Variants in ME3 observed in about 807,000 individuals in gnomAD.
ME3 encodes malic enzyme 3.
Under a neutral mutation model 68.9 loss-of-function variants are expected in ME3, and 48 were observed. The ratio of observed to expected loss-of-function variants is 0.70; its 90% CI spans 0.55 to 0.89. The LOEUF (loss-of-function observed/expected upper bound fraction) is 0.89. ME3 is among the 40% of genes least tolerant of loss of function. The pLI, the probability that ME3 is intolerant of heterozygous loss-of-function variation, is 0.00. For synonymous variants in ME3, 320 were observed against 318.8 expected (o/e 1.00, Z -0.04); for missense variants, 675 against 797.4 (o/e 0.85, Z 1.85).
At chr11:86,539,516 T>G (rs1955903995) in intron 4 of ME3, among the ~76,000 whole-genome samples, 1 of 150,814 alleles carries the variant, frequency 6.6e-6, no homozygotes, top group Non-Finnish European at 1.5e-5. Flanking sequence ...GAATCATACA[T>G]GTACTTATGG....
chr11:86,621,871 C>T (rs533194252), intron 2 of ME3, among the ~76,000 whole-genome samples: 2 of 151,624 alleles, frequency 1.3e-5, no homozygotes, highest in Admixed American at 6.6e-5. Context: ...GAAAATGAAC[C>T]CTGTAAAGCA....
At chr11:86,618,704 C>A (rs1400599409) in intron 2 of ME3, among the ~76,000 whole-genome samples, 2 of 151,152 alleles carry the variant, frequency 1.3e-5, no homozygotes, top group Non-Finnish European at 2.9e-5. Context: ...TAAATGAGTT[C>A]TCATGAGATC....
intron 7 of ME3, among the ~76,000 whole-genome samples, chr11:86,477,729 G>A (rs555564808): frequency 7.3e-6 from 1 of 136,236 alleles, no homozygotes; most frequent in South Asian, 2.2e-4. Flanking sequence ...TCAGTCCTGA[G>A]GCTGGACCTT....
chr11:86,487,774 C>T (rs1191838580), intron 6 of ME3, among the ~76,000 whole-genome samples: 1 of 152,210 alleles, frequency 6.6e-6, no homozygotes, highest in Non-Finnish European at 1.5e-5. Flanking sequence ...GACATTTTGG[C>T]TGGGATAATT....
At chr11:86,600,800 A>T (rs1411341743) in intron 2 of ME3, among the ~76,000 whole-genome samples, 12 of 151,830 alleles carry the variant, frequency 7.9e-5, no homozygotes, top group Admixed American at 5.3e-4. Flanking sequence ...TAAGAAACTC[A>T]CTCAAAACCA....
intron 2 of ME3, among the ~76,000 whole-genome samples, chr11:86,623,172 G>T (rs1021182562): frequency 6.6e-6 from 1 of 152,092 alleles, no homozygotes; most frequent in Non-Finnish European, 1.5e-5. Flanking sequence ...GTCTCATCTG[G>T]TATCATCCAA....
chr11:86,571,818 G>C (rs539070979), intron 2 of ME3, among the ~76,000 whole-genome samples: 2 of 152,194 alleles, frequency 1.3e-5, no homozygotes, highest in Non-Finnish European at 2.9e-5. Context: ...AGAGATTAAC[G>C]TAATGCAAGG....
chr11:86,624,147 A>C (rs1257524820), intron 2 of ME3, among the ~76,000 whole-genome samples: 1 of 152,154 alleles, frequency 6.6e-6, no homozygotes, highest in East Asian at 1.9e-4. Flanking sequence ...CAATGTTGGG[A>C]AGTTGAAGCT....
chr11:86,527,931 G>A (rs1330858051), intron 4 of ME3, among the ~76,000 whole-genome samples: 1 of 152,196 alleles, frequency 6.6e-6, no homozygotes, highest in East Asian at 1.9e-4. Flanking sequence ...TCGAGGCTAG[G>A]AAGAAACTGC....
chr11:86,514,987 C>T (rs1055614954), intron 4 of ME3, among the ~76,000 whole-genome samples: 3 of 152,110 alleles, frequency 2.0e-5, no homozygotes, highest in Non-Finnish European at 4.4e-5. Flanking sequence ...AGTGTTTTAG[C>T]TAGAATCATC....
intron 8 of ME3, chr11:86,464,258 G>A (rs605251): frequency 0.86 from 286,575 of 335,138 alleles, 122,719 homozygotes; most frequent in Non-Finnish European, 0.86. Context: ...ATTTGTTAAA[G>A]CATCATCAAG....
At chr11:86,573,263 T>G (rs2139562311) in intron 2 of ME3, among the ~76,000 whole-genome samples, 1 of 152,332 alleles carries the variant, frequency 6.6e-6, no homozygotes, top group South Asian at 2.1e-4. Context: ...TCCTTTGCTG[T>G]TGAGAAGCTC....
intron 2 of ME3, among the ~76,000 whole-genome samples, chr11:86,659,403 C>G (rs1270254002): frequency 6.6e-6 from 1 of 152,146 alleles, no homozygotes; most frequent in African/African-American, 2.4e-5. Context: ...GGAGGGAGTT[C>G]CCCTTCACCA....
intron 4 of ME3, among the ~76,000 whole-genome samples, chr11:86,536,270 A>C (rs921992466): frequency 5.3e-5 from 8 of 149,908 alleles, no homozygotes; most frequent in Admixed American, 1.3e-4. Flanking sequence ...GCAACAAAAG[A>C]CAAAATTGAC....
chr11:86,637,686 G>A (rs1023941025), intron 2 of ME3, among the ~76,000 whole-genome samples: 1 of 152,132 alleles, frequency 6.6e-6, no homozygotes, highest in Non-Finnish European at 1.5e-5. Flanking sequence ...TTGTGCTGTA[G>A]GTGGGAGGAA....
intron 2 of ME3, among the ~76,000 whole-genome samples, chr11:86,589,021 C>T (rs534593814): frequency 1.1e-4 from 16 of 152,300 alleles, no homozygotes; most frequent in East Asian, 1.9e-4. Context: ...CGGCTGAGCT[C>T]GAAGGCCCTT....
At chr11:86,530,896 C>G (rs1197339204) in intron 4 of ME3, among the ~76,000 whole-genome samples, 1 of 85,858 alleles carries the variant, frequency 1.2e-5, no homozygotes, top group Non-Finnish European at 2.4e-5. Flanking sequence ...CATAAAAACC[C>G]TAGAAGAAAA....
chr11:86,492,399 T>C (rs137969995), intron 6 of ME3, among the ~76,000 whole-genome samples: 34 of 152,304 alleles, frequency 2.2e-4, no homozygotes, highest in African/African-American at 7.5e-4. Context: ...TTTTGAAGGT[T>C]GGAAAGAATA....
intron 2 of ME3, among the ~76,000 whole-genome samples, chr11:86,577,345 C>T (rs1958172782): frequency 6.6e-6 from 1 of 152,194 alleles, no homozygotes; most frequent in Non-Finnish European, 1.5e-5. Context: ...GAGAAGACTG[C>T]CAACCCCAAC....
Sources: gnomAD v4.1 joint callset for allele counts (sites outside exome capture counted in the v4.1 genomes callset) on GRCh38, gnomAD v4.1.1 for gene constraint, MANE v1.5 for transcripts, NCBI Gene and HGNC (gene_info 2026-07-23, HGNC 2026-07-21) for gene names.